The following LRP11 variants were observed in gnomAD, a reference collection of about 807,000 sequenced individuals.
LRP11 encodes low-density lipoprotein receptor-related protein 11.
LRP11 carries 25 observed loss-of-function variants against 43.1 expected under a neutral mutation model. That is an observed-to-expected ratio of 0.58 (90% CI 0.42 to 0.81). The LOEUF is 0.81. Among genes scored for constraint, LRP11 ranks in the 30% least tolerant of loss-of-function variants. LRP11 has a pLI of 0.00. For missense variants in LRP11, 623 were observed against 665.1 expected, an observed-to-expected ratio of 0.94 and a Z score of 0.70; for synonymous variants, 316 against 299.4, an observed-to-expected ratio of 1.06 and a Z score of -0.57.
Position 149,827,539 on chromosome 6 carries a change from A to T in LRP11, c.1253-1180T>A, listed in dbSNP as rs572937366. 2.6e-5 allele frequency among the ~76,000 whole-genome samples: 4 copies of T among 152,346 alleles called. No homozygotes were observed. The highest frequency in any genetic ancestry group is 5.9e-5 in the Non-Finnish European group (4 of 68,032). On this transcript the variant is annotated intron_variant, in intron 5 of 6. Coordinates refer to ENST00000239367, the MANE Select transcript of LRP11 (RefSeq NM_032832.6). The surrounding 1 kb of genome is among the most constrained non-coding windows in gnomAD (Gnocchi z 4.2). ...TCTACTGTGTCTTGTTACTCTAGAA[A>T]GTTCCATGTATGTTGGTCCTACATA...
At chr6:149,820,825 G>A in intron 6 of LRP11, 122 bp from the exon 7 acceptor site, 2 of 549,238 alleles carry the variant, frequency 3.6e-6, no homozygotes, top group Non-Finnish European at 6.6e-6. Context: ...ATTGTTATTA[G>A]TATTATCACT....
At chr6:149,849,710 C>A (rs1776690936) in intron 2 of LRP11, among the ~76,000 whole-genome samples, 1 of 152,136 alleles carries the variant, frequency 6.6e-6, no homozygotes, top group Non-Finnish European at 1.5e-5. Flanking sequence ...GCACTCCAGC[C>A]TGGGCAACAG....
intron 2 of LRP11, among the ~76,000 whole-genome samples, chr6:149,848,974 G>A (rs1189790998): frequency 6.6e-6 from 1 of 152,172 alleles, no homozygotes; most frequent in Admixed American, 6.5e-5. Context: ...AAGATGGCTG[G>A]TTATAAAATA....
chr6:149,850,600 T>C (rs1247772210), intron 2 of LRP11, among the ~76,000 whole-genome samples: 1 of 152,090 alleles, frequency 6.6e-6, no homozygotes, highest in East Asian at 1.9e-4. Flanking sequence ...CTGAAATGGG[T>C]TTGCTAATCA....
rs1322161076 is a variant in LRP11, at chr6:149,863,452, G to A, written c.569C>T (p.Pro190Leu). 2.3e-6 allele frequency: 3 copies of A among 1,324,210 alleles called. No individual in the cohort carries two copies. The highest frequency in any genetic ancestry group is 2.2e-5 in the South Asian group (1 of 46,046). The allele number at this position is 1,324,210 out of a possible 1,614,324, so 82.0% of individuals were successfully genotyped here. The change falls in exon 1 of 7, where the codon CCG (proline) becomes CTG (leucine). Residue 190 changes from proline to leucine, a missense_variant. Coordinates refer to ENST00000239367, the MANE Select transcript of LRP11 (RefSeq NM_032832.6). ...CGCGGTGGCCAGGGCGGCGCCGTCC[G>A]GCGCGCGGCTGAGGCTGTAGCTGCT... is the stretch of plus-strand genomic sequence containing the variant. ...GYSSYSLSRA[P>L]DGAALATARA...
At chr6:149,842,578 A>G (rs1250826339) in intron 3 of LRP11, 1 of 1,466,890 alleles carries the variant, frequency 6.8e-7, no homozygotes, top group Admixed American at 2.0e-5. Context: ...CACAGCCTCC[A>G]GTAACCGCCA....
At chr6:149,862,458 G>A (rs891284245) in intron 1 of LRP11, among the ~76,000 whole-genome samples, 30 of 152,002 alleles carry the variant, frequency 2.0e-4, no homozygotes, top group Admixed American at 1.6e-3. Context: ...TACCATTTTT[G>A]TGCCTCCTGT....
At chr6:149,850,329 C>T (rs1165767519) in intron 2 of LRP11, among the ~76,000 whole-genome samples, 1 of 152,146 alleles carries the variant, frequency 6.6e-6, no homozygotes, top group African/African-American at 2.4e-5. Context: ...CCCAATTCTC[C>T]TGGCAGAAAT....
intron 3 of LRP11, among the ~76,000 whole-genome samples, chr6:149,838,376 G>C (rs989481362): frequency 2.0e-5 from 3 of 151,792 alleles, no homozygotes; most frequent in African/African-American, 7.3e-5. Flanking sequence ...GGGCTGGCAT[G>C]AATTTAGTTT....
Position 149,837,329 on chromosome 6 carries a change from C to A in LRP11, c.1039+9G>T. 3 of 1,612,728 alleles carry A rather than the reference C, an allele frequency of 1.9e-6. No homozygotes were observed. The highest frequency in any genetic ancestry group is 2.5e-6 in the Non-Finnish European group (3 of 1,179,550). ...GCCACTGCCTAGCAATGTGACATAGCCAACTCACGATTCTGGCAGAAGTCT... is the reference window on the plus strand; with the variant it reads ...GCCACTGCCTAGCAATGTGACATAGACAACTCACGATTCTGGCAGAAGTCT... On this transcript the variant is annotated intron_variant, in intron 4 of 6. Coordinates refer to ENST00000239367, the MANE Select transcript of LRP11 (RefSeq NM_032832.6).
intron 3 of LRP11, among the ~76,000 whole-genome samples, chr6:149,839,902 GA>G (rs1776522201): frequency 6.6e-6 from 1 of 151,986 alleles, no homozygotes; most frequent in Non-Finnish European, 1.5e-5. Flanking sequence ...AAATTTTAAG[GA>G]AAAAAATTAA....
chr6:149,859,627 C>T (rs977857553), intron 1 of LRP11, among the ~76,000 whole-genome samples: 1 of 151,768 alleles, frequency 6.6e-6, no homozygotes, highest in Non-Finnish European at 1.5e-5. Flanking sequence ...AACTCCTGGC[C>T]TCCAGCAATC....
At chr6:149,847,824 T>TAC (rs57292379) in intron 2 of LRP11, among the ~76,000 whole-genome samples, 4,612 of 130,994 alleles carry the variant, frequency 0.035, 97 homozygotes, top group Non-Finnish European at 0.047. Flanking sequence ...TAAACTAAAT[T>TAC]ACACACACAC....
chr6:149,863,460 G>A lies in LRP11; in HGVS notation c.561C>T (p.Ser187=), dbSNP rs1356363884. 6 of 1,334,196 alleles carry A rather than the reference G, an allele frequency of 4.5e-6. No individual in the cohort carries two copies. The highest frequency in any genetic ancestry group is 5.7e-6 in the Non-Finnish European group (6 of 1,051,002). The allele number at this position is 1,334,196 out of a possible 1,614,324, so 82.6% of individuals were successfully genotyped here. A position where few individuals can be genotyped will look rare whatever the true frequency, so the allele number is the denominator to read the frequency against. The change falls in exon 1 of 7, where the codon AGC becomes AGT. Residue 187 remains serine (S), a synonymous_variant. Coordinates refer to ENST00000239367, the MANE Select transcript of LRP11 (RefSeq NM_032832.6). The stretch of plus-strand genomic sequence containing the variant: ...CCAGGGCGGCGCCGTCCGGCGCGCG[G>A]CTGAGGCTGTAGCTGCTGTAGCCGC... ...LHSGYSSYSL[S]RAPDGAALAT... is the part of the protein sequence containing the mutation.
intron 5 of LRP11, among the ~76,000 whole-genome samples, chr6:149,829,294 C>T (rs1390426104): frequency 6.6e-6 from 1 of 152,188 alleles, no homozygotes; most frequent in Non-Finnish European, 1.5e-5. Context: ...GGCATGGTGG[C>T]TCACGCCTGT....
At chr6:149,825,094 C>T in intron 6 of LRP11, among the ~76,000 whole-genome samples, 1 of 152,106 alleles carries the variant, frequency 6.6e-6, no homozygotes, top group East Asian at 1.9e-4. Flanking sequence ...TCTTAGCTAT[C>T]TATTGTTTAA....
chr6:149,825,740 C>T (rs1454435463), intron 6 of LRP11, among the ~76,000 whole-genome samples: 2 of 151,550 alleles, frequency 1.3e-5, no homozygotes, highest in Non-Finnish European at 1.5e-5. Flanking sequence ...ACTGCAGCCT[C>T]GACCTCCCAG....
intron 1 of LRP11, among the ~76,000 whole-genome samples, chr6:149,859,166 C>T (rs1176916435): frequency 2.6e-5 from 4 of 151,882 alleles, no homozygotes; most frequent in East Asian, 1.9e-4. Context: ...TTTACACCAT[C>T]GGTGAGCACA....
chr6:149,831,902 A>G (rs974316013), intron 5 of LRP11, among the ~76,000 whole-genome samples: 2 of 152,122 alleles, frequency 1.3e-5, no homozygotes, highest in African/African-American at 2.4e-5. Flanking sequence ...GCCTTAAGCA[A>G]TCCACCTGCC....
Sources: gnomAD v4.1 joint callset for allele counts (sites outside exome capture counted in the v4.1 genomes callset) on GRCh38, gnomAD v4.1.1 for gene constraint, Gnocchi (gnomAD v3.1) non-coding constraint, MANE v1.5 for transcripts, NCBI Gene and HGNC (gene_info 2026-07-23, HGNC 2026-07-21) for gene names.